Variants in XIST observed in about 807,000 individuals in gnomAD.
The protein encoded by XIST is X inactive specific transcript, also known as X inactive specific transcript (non-protein coding).
chrX:73,846,688 C>A (rs1234845629), exon 1 of XIST: 1 of 557,575 alleles, frequency 1.8e-6, no homozygotes, highest in Non-Finnish European at 3.2e-6. Flanking sequence ...GAGGGGAGCA[C>A]TTTCCTTCTC....
At chrX:73,821,799 T>A (rs1314324948) in exon 6 of XIST, 1 of 516,733 alleles carries the variant, frequency 1.9e-6, no homozygotes, top group East Asian at 3.5e-5. Context: ...ATTTCCAATT[T>A]TTATTTTATT....
chrX:73,827,561 A>C, exon 6 of XIST: 2 of 544,293 alleles, frequency 3.7e-6, no homozygotes, highest in Non-Finnish European at 6.6e-6. Flanking sequence ...ATGTGAGATA[A>C]AAAGTAGAAA....
chrX:73,823,252 A>T (rs1361973267), exon 6 of XIST: 1 of 513,902 alleles, frequency 1.9e-6, no homozygotes, highest in East Asian at 3.4e-5. Flanking sequence ...GATTTGGGGG[A>T]TTCCTGAAAC....
rs377641123 is a variant in XIST, at chrX:73,824,594, A to C, written n.15307T>G. 27 of 552,091 alleles carry C rather than the reference A, an allele frequency of 4.9e-5. No homozygotes were observed. The African/African-American group carries it at 5.6e-4, about 11-fold the overall frequency. The allele number at this position is 552,091 out of a possible 1,213,427, so 45.5% of individuals were successfully genotyped here. On this transcript the variant is annotated non_coding_transcript_exon_variant, in exon 6 of 6. Coordinates refer to ENST00000429829, the Ensembl canonical transcript of XIST. ...GAACCCTTCTCACTGTGGTTTAACTATACAATGAGAATTTTGTAGAGACAA... is the reference window on the plus strand; with the variant it reads ...GAACCCTTCTCACTGTGGTTTAACTCTACAATGAGAATTTTGTAGAGACAA...
chrX:73,824,909 A>G (rs1217011401), exon 6 of XIST: 2 of 549,981 alleles, frequency 3.6e-6, no homozygotes, highest in Middle Eastern at 6.2e-4. Flanking sequence ...CTTATTACAT[A>G]GGAGAATTAA....
At chrX:73,827,572 C>G (rs1922289193) in exon 6 of XIST, 2 of 545,116 alleles carry the variant, frequency 3.7e-6, no homozygotes, top group East Asian at 6.6e-5. Context: ...AAAGTAGAAA[C>G]AGCAGAAAGG....
chrX:73,846,457 A>C lies in XIST; in HGVS notation n.6267T>G, dbSNP rs376558973. 1.1e-4 allele frequency: 61 copies of C among 556,978 alleles called. No homozygotes were observed. The African/African-American group carries it at 1.3e-3, about 12-fold the overall frequency. 45.9% of individuals were successfully genotyped at this position (556,978 alleles called of 1,213,427 possible). ...GGATCCCAGACGATTATAATCACAC[A>C]CAACATGCCAAGAAAAGGGGACTGC... On this transcript the variant is annotated non_coding_transcript_exon_variant, in exon 1 of 6. Transcript: ENST00000429829.
intron 2 of XIST, among the ~76,000 whole-genome samples, chrX:73,835,935 A>G (rs775841699): frequency 8.9e-6 from 1 of 112,119 alleles, no homozygotes; most frequent in African/African-American, 3.2e-5. Flanking sequence ...CACTTTTTGT[A>G]ACAGCACACC....
chrX:73,833,235 T>C (rs1308650535), intron 3 of XIST: 7 of 554,051 alleles, frequency 1.3e-5, no homozygotes, highest in Non-Finnish European at 1.9e-5. Flanking sequence ...TTCCCCAAAC[T>C]ACCTTTTTCT....
chrX:73,829,146 T>A, exon 5 of XIST: 2 of 558,791 alleles, frequency 3.6e-6, no homozygotes, highest in Non-Finnish European at 6.5e-6. Flanking sequence ...TTCAGTGTGT[T>A]CAAATTTCTT....
At chrX:73,837,482 G>C in exon 2 of XIST, 2 of 510,240 alleles carry the variant, frequency 3.9e-6, no homozygotes, top group Non-Finnish European at 7.0e-6. Flanking sequence ...GACACATGCA[G>C]CGTGGTATCT....
exon 4 of XIST, chrX:73,831,241 T>C: frequency 1.8e-6 from 1 of 549,113 alleles, no homozygotes; most frequent in Non-Finnish European, 3.3e-6. Context: ...TCACTAACAC[T>C]GTAAAACAAC....
chrX:73,841,963 A>G (rs1426747712), exon 1 of XIST: 1 of 539,941 alleles, frequency 1.9e-6, no homozygotes, highest in Admixed American at 2.3e-5. Context: ...GGTAAAGCCC[A>G]CACAAAGATA....
exon 1 of XIST, chrX:73,848,662 C>G (rs1269362297): frequency 1.8e-6 from 1 of 557,897 alleles, no homozygotes; most frequent in Non-Finnish European, 3.2e-6. Flanking sequence ...AATCTGCACT[C>G]GTTAGCAACA....
exon 1 of XIST, chrX:73,843,387 A>C: frequency 3.6e-6 from 2 of 559,099 alleles, no homozygotes; most frequent in Middle Eastern, 6.2e-4. Flanking sequence ...TTAATTGTCC[A>C]AGAGCTGAGA....
At chrX:73,825,443 T>A (rs2147696237) in exon 6 of XIST, 1 of 537,068 alleles carries the variant, frequency 1.9e-6, no homozygotes, top group East Asian at 3.4e-5. Flanking sequence ...ACATTCACTA[T>A]TTTTTTTCAG....
intron 5 of XIST, chrX:73,828,422 T>TAAG (rs953015116): frequency 8.1e-6 from 1 of 122,927 alleles, no homozygotes; most frequent in African/African-American, 3.2e-5. Context: ...CTAGAGACTT[T>TAAG]AAGTTGTCAA....
exon 1 of XIST, chrX:73,841,863 CA>C: frequency 1.9e-6 from 1 of 514,771 alleles, no homozygotes; most frequent in East Asian, 3.6e-5. Context: ...CGTTTTACTG[CA>C]ATCTTCTTGA....
chrX:73,845,717 C>T (rs774562717), exon 1 of XIST: 9 of 546,128 alleles, frequency 1.6e-5, no homozygotes, highest in Admixed American at 9.2e-5. Context: ...GTCCAAGGTG[C>T]ATGGCTGTGG....
Sources: gnomAD v4.1 joint callset for allele counts (sites outside exome capture counted in the v4.1 genomes callset) on GRCh38, gnomAD v4.1.1 for gene constraint, MANE v1.5 for transcripts, NCBI Gene and HGNC (gene_info 2026-07-23, HGNC 2026-07-21) for gene names.